The following ATF7IP variants were observed in gnomAD, a reference collection of about 807,000 sequenced individuals.
ATF7IP encodes the protein activating transcription factor 7-interacting protein 1.
In ATF7IP, 23 loss-of-function variants were observed where a neutral mutation model predicts 106.4. The ratio of observed to expected loss-of-function variants is 0.22; its 90% CI spans 0.16 to 0.31. The LOEUF is 0.31. Ranked by LOEUF, ATF7IP falls within the 10% of genes least tolerant of loss-of-function variation. The pLI is 1.00. For synonymous variants in ATF7IP, 542 were observed against 539.0 expected (o/e 1.01, Z -0.08); for missense variants, 1,334 against 1,524.3 (o/e 0.88, Z 2.08).
intron 14 of ATF7IP, 53 bp from the exon 15 acceptor site, chr12:14,497,601 C>G: frequency 2.0e-6 from 3 of 1,517,784 alleles, no homozygotes; most frequent in South Asian, 2.5e-5. Context: ...TTCTAACATT[C>G]TAAAATAGTT....
At chr12:14,376,460 A>C (rs1418228861) in intron 1 of ATF7IP, among the ~76,000 whole-genome samples, 2 of 152,276 alleles carry the variant, frequency 1.3e-5, no homozygotes, top group Admixed American at 6.5e-5. Context: ...TTTAAAATAC[A>C]GAAATACATC....
intron 8 of ATF7IP, 71 bp from the exon 9 acceptor site, chr12:14,460,424 G>C: frequency 7.2e-6 from 10 of 1,398,334 alleles, no homozygotes; most frequent in Non-Finnish European, 9.8e-6. Context: ...TTTAATTTGT[G>C]TCTGTCATAT....
intron 1 of ATF7IP, among the ~76,000 whole-genome samples, chr12:14,406,728 G>C (rs1319633683): frequency 7.0e-6 from 1 of 142,252 alleles, no homozygotes; most frequent in Non-Finnish European, 1.5e-5. Context: ...GCAATGGCAT[G>C]ATCTCAGCTC....
At chr12:14,422,014 A>T (rs1285573096) in intron 1 of ATF7IP, among the ~76,000 whole-genome samples, 1 of 152,202 alleles carries the variant, frequency 6.6e-6, no homozygotes, top group East Asian at 1.9e-4. Context: ...TAAATGACAC[A>T]TTAAAATGTG....
chr12:14,472,728 G>GTTA (rs1355982076), intron 10 of ATF7IP, among the ~76,000 whole-genome samples: 1 of 152,072 alleles, frequency 6.6e-6, no homozygotes, highest in Non-Finnish European at 1.5e-5. Context: ...CTGGGATTCA[G>GTTA]TTACTGCATA....
At chr12:14,440,898 T>C (rs770433263) in intron 5 of ATF7IP, among the ~76,000 whole-genome samples, 1 of 152,224 alleles carries the variant, frequency 6.6e-6, no homozygotes, top group Non-Finnish European at 1.5e-5. Context: ...TTGTAGCATG[T>C]ATCAGTACTT....
At chr12:14,478,594 G>C in intron 12 of ATF7IP, 122 bp downstream of exon 12, 1 of 1,114,172 alleles carries the variant, frequency 9.0e-7, no homozygotes, top group Non-Finnish European at 1.3e-6. Context: ...GAGGACTACA[G>C]TGCATGTCCT....
chr12:14,409,940 A>T (rs1340094207), intron 1 of ATF7IP, among the ~76,000 whole-genome samples: 1 of 152,132 alleles, frequency 6.6e-6, no homozygotes, highest in Admixed American at 6.5e-5. Context: ...TACAGTTCAC[A>T]TGTCATACAA....
At chr12:14,454,489 T>TA (rs1425571143) in intron 6 of ATF7IP, among the ~76,000 whole-genome samples, 2 of 152,194 alleles carry the variant, frequency 1.3e-5, no homozygotes, top group Non-Finnish European at 2.9e-5. Flanking sequence ...GCATCTTTCT[T>TA]AAACAGTTGG....
At chr12:14,422,359 C>T (rs931161367) in intron 1 of ATF7IP, among the ~76,000 whole-genome samples, 5 of 130,350 alleles carry the variant, frequency 3.8e-5, no homozygotes, top group Non-Finnish European at 8.3e-5. Context: ...ACACACACAA[C>T]CTTTGTATTT....
At chr12:14,486,930 G>A (rs529921648) in intron 13 of ATF7IP, among the ~76,000 whole-genome samples, 75 of 152,158 alleles carry the variant, frequency 4.9e-4, no homozygotes, top group Non-Finnish European at 1.0e-3. Context: ...CATTGGTCAA[G>A]GGTATATCTT....
rs185637559 is a variant in ATF7IP, at chr12:14,410,721, T to C, written c.-7-13188T>C. Among the ~76,000 whole-genome samples, 3 of 152,164 alleles carry C rather than the reference T, an allele frequency of 2.0e-5. No homozygotes were observed. The East Asian group carries it at 5.8e-4, about 29-fold the overall frequency. ...TTATTATTAGTTATTGTCAATCTCT[T>C]ACTGTTCCTAATTTATAAGTTAAAT... On this transcript the variant is annotated intron_variant, in intron 1 of 14. Transcript: ENST00000261168.
chr12:14,484,609 G>A (rs1316790491), intron 13 of ATF7IP, among the ~76,000 whole-genome samples: 1 of 152,168 alleles, frequency 6.6e-6, no homozygotes, highest in Non-Finnish European at 1.5e-5. Context: ...AGTGGTGCCT[G>A]CATATGGTGC....
chr12:14,474,386 T>C (rs1944175274), intron 10 of ATF7IP, among the ~76,000 whole-genome samples: 1 of 151,714 alleles, frequency 6.6e-6, no homozygotes, highest in African/African-American at 2.4e-5. Context: ...TCGTTATTAT[T>C]ATATTTAATT....
At chr12:14,432,804 GA>G (rs1159458682) in intron 2 of ATF7IP, among the ~76,000 whole-genome samples, 8 of 152,138 alleles carry the variant, frequency 5.3e-5, no homozygotes, top group African/African-American at 1.9e-4. Flanking sequence ...TGCAGAACGT[GA>G]TGAAACATAG....
rs1945185554 is a variant in ATF7IP, at chr12:14,502,487, C to A, written c.*4414C>A. 1 of 152,062 alleles carries A rather than the reference C, an allele frequency of 6.6e-6. No individual in the cohort carries two copies. The highest frequency in any genetic ancestry group is 2.4e-5 in the African/African-American group (1 of 41,432). 9.4% of individuals were successfully genotyped at this position (152,062 alleles called of 1,614,324 possible). On this transcript the variant is annotated 3_prime_UTR_variant, in exon 15 of 15. Transcript: ENST00000261168. Reference sequence around the variant, plus strand: ...TTATTTGTAGAGTCAGCTAAGTACCCATATTTAAATGCCGTCTTTATTATT... The same window carrying A: ...TTATTTGTAGAGTCAGCTAAGTACCAATATTTAAATGCCGTCTTTATTATT...
At chr12:14,457,527 T>C (rs1206196904) in intron 8 of ATF7IP, among the ~76,000 whole-genome samples, 6 of 152,082 alleles carry the variant, frequency 3.9e-5, no homozygotes, top group Admixed American at 2.0e-4. Flanking sequence ...TCAAGTCAGC[T>C]TGGGCAACAT....
At chr12:14,395,577 G>A (rs1054486120) in intron 1 of ATF7IP, among the ~76,000 whole-genome samples, 2 of 152,020 alleles carry the variant, frequency 1.3e-5, no homozygotes, top group African/African-American at 4.8e-5. Context: ...ATTATAGTCT[G>A]TTACTATATT....
intron 11 of ATF7IP, among the ~76,000 whole-genome samples, chr12:14,477,282 G>T (rs573400955): frequency 6.6e-6 from 1 of 152,072 alleles, no homozygotes; most frequent in Admixed American, 6.6e-5. Flanking sequence ...CAGTAAAGTC[G>T]GTTTTGTTAT....
Sources: gnomAD v4.1 joint callset for allele counts (sites outside exome capture counted in the v4.1 genomes callset) on GRCh38, gnomAD v4.1.1 for gene constraint, MANE v1.5 for transcripts, NCBI Gene and HGNC (gene_info 2026-07-23, HGNC 2026-07-21) for gene names.